Variants in CLNK observed in about 807,000 individuals in gnomAD.
CLNK encodes the protein cytokine dependent hematopoietic cell linker, also known as cytokine-dependent hematopoietic cell linker.
A neutral mutation model predicts 68.6 loss-of-function variants in CLNK; 74 were observed. That is an observed-to-expected ratio of 1.08 (90% CI 0.89 to 1.31). The LOEUF is 1.31. Among genes scored for constraint, CLNK ranks in the 50% most tolerant of loss-of-function variants. The pLI is 0.00. For synonymous variants in CLNK, 198 were observed against 172.2 expected, an observed-to-expected ratio of 1.15 and a Z score of -1.17; for missense variants, 553 against 515.3, an observed-to-expected ratio of 1.07 and a Z score of -0.71.
chr4:10,674,803 A>T (rs1051711740), intron 1 of CLNK, among the ~76,000 whole-genome samples: 5 of 152,296 alleles, frequency 3.3e-5, no homozygotes, highest in Middle Eastern at 3.4e-3. Context: ...TTGTAAAGAT[A>T]ACGGATTTGA....
rs372041491 is a variant in CLNK at position 10,680,986 on chromosome 4, G to GATAT, written c.-43+3678_-43+3681dup. Among the ~76,000 whole-genome samples the GATAT allele has an allele frequency of 4.1e-3, 618 of 149,852 alleles. 3 individuals are homozygous for GATAT. Among genetic ancestry groups the GATAT allele is most frequent in the African/African-American group, 0.012 (509 of 40,954 alleles). ...ACTTGCCCATGAGTGAGGACGTCCT[G>GATAT]ATATATATATATATATAAATTTCTA... On this transcript the variant is annotated intron_variant, in intron 1 of 18. Transcript: ENST00000226951.
At chr4:10,718,949 GACAACACCA>G in the CLNK span, among the ~76,000 whole-genome samples, 1 of 152,026 alleles carries the variant, frequency 6.6e-6, no homozygotes, top group African/African-American at 2.4e-5. Flanking sequence ...CTGGTAAAAT[GACAACACCA>G]GACTGTGTTG....
the CLNK span, among the ~76,000 whole-genome samples, chr4:10,731,109 A>C: frequency 6.6e-6 from 1 of 152,234 alleles, no homozygotes. Context: ...CTACTTTGAC[A>C]TATACCATAA....
At chr4:10,512,226 G>T (rs1220315015) in intron 16 of CLNK, among the ~76,000 whole-genome samples, 1 of 151,616 alleles carries the variant, frequency 6.6e-6, no homozygotes, top group Non-Finnish European at 1.5e-5. Context: ...ATAAAAGAAG[G>T]ATATGCATTT....
intron 5 of CLNK, among the ~76,000 whole-genome samples, chr4:10,566,518 A>G (rs1720121704): frequency 6.6e-6 from 1 of 152,232 alleles, no homozygotes; most frequent in Admixed American, 6.5e-5. Context: ...ACTTACTTGC[A>G]AATAAGATAA....
chr4:10,534,294 G>A (rs1359404263), intron 11 of CLNK, among the ~76,000 whole-genome samples: 2 of 152,168 alleles, frequency 1.3e-5, no homozygotes, highest in Non-Finnish European at 2.9e-5. Context: ...TACTCTTTGA[G>A]AGCTTTGAAC....
the CLNK span, among the ~76,000 whole-genome samples, chr4:10,720,388 C>A: frequency 6.6e-6 from 1 of 151,872 alleles, no homozygotes; most frequent in African/African-American, 2.4e-5. Flanking sequence ...AAAGACTTCT[C>A]AAAACCCGAT....
intron 8 of CLNK, among the ~76,000 whole-genome samples, chr4:10,547,908 T>C (rs1316655432): frequency 2.0e-5 from 3 of 152,200 alleles, no homozygotes; most frequent in Admixed American, 1.3e-4. Context: ...ACCCTTATGC[T>C]GTTTCCATAT....
chr4:10,540,388 C>T, intron 11 of CLNK, 106 bp downstream of exon 11: 1 of 776,664 alleles, frequency 1.3e-6, no homozygotes, highest in Admixed American at 2.0e-5. Flanking sequence ...ACTCCCCACC[C>T]ATTAGGGAGC....
chr4:10,711,817 A>C, the CLNK span, among the ~76,000 whole-genome samples: 4 of 152,172 alleles, frequency 2.6e-5, no homozygotes, highest in African/African-American at 7.2e-5. Flanking sequence ...CATTCTACTG[A>C]AGTATTTACA....
intron 18 of CLNK, among the ~76,000 whole-genome samples, chr4:10,499,578 T>C (rs962419398): frequency 2.0e-5 from 3 of 152,354 alleles, no homozygotes; most frequent in East Asian, 3.9e-4. Flanking sequence ...GCCCTAGCAA[T>C]GTGCCCTATT....
At chr4:10,604,363 T>C (rs1425849161) in intron 2 of CLNK, among the ~76,000 whole-genome samples, 1 of 152,198 alleles carries the variant, frequency 6.6e-6, no homozygotes, top group Non-Finnish European at 1.5e-5. Context: ...TTCCATTTGA[T>C]CCCTAAGCTG....
intron 7 of CLNK, among the ~76,000 whole-genome samples, chr4:10,563,692 A>T (rs992384607): frequency 6.6e-6 from 1 of 152,194 alleles, no homozygotes; most frequent in Non-Finnish European, 1.5e-5. Flanking sequence ...GTGGATCACG[A>T]GGTCAGGATT....
chr4:10,501,128 G>A (rs1348695222), intron 18 of CLNK, 128 bp downstream of exon 18: 6 of 900,576 alleles, frequency 6.7e-6, no homozygotes, highest in South Asian at 4.2e-5. Context: ...TGTGGAAGGG[G>A]TGGGGAGGTC....
At chr4:10,609,481 A>T (rs892872650) in intron 2 of CLNK, among the ~76,000 whole-genome samples, 13 of 152,192 alleles carry the variant, frequency 8.5e-5, no homozygotes, top group Non-Finnish European at 1.5e-4. Context: ...AGTGACTGCC[A>T]CCTGCACAGT....
chr4:10,693,672 A>C, the CLNK span, among the ~76,000 whole-genome samples: 1 of 152,222 alleles, frequency 6.6e-6, no homozygotes, highest in Non-Finnish European at 1.5e-5. Flanking sequence ...AGCAGCCCTA[A>C]GTGCCTGATA....
chr4:10,680,894 T>C (rs1452110790), intron 1 of CLNK, among the ~76,000 whole-genome samples: 4 of 152,120 alleles, frequency 2.6e-5, no homozygotes, highest in Non-Finnish European at 5.9e-5. Context: ...GAGTTTGGGA[T>C]GGGGACTGTG....
Position 10,591,543 on chromosome 4 carries a change from G to T in CLNK, c.83+6435C>A, listed in dbSNP as rs570658090. 7.9e-5 allele frequency among the ~76,000 whole-genome samples: 12 copies of T among 152,282 alleles called. No individual in the cohort carries two copies. In the South Asian group the frequency reaches 2.5e-3, roughly 32 times the overall value. Reference sequence around the variant, plus strand: ...ATGTGTGAGTGAATGAATGCCACAGGCACATGCAGAGGGAAATATACAAAA... The same window carrying T: ...ATGTGTGAGTGAATGAATGCCACAGTCACATGCAGAGGGAAATATACAAAA... On this transcript the variant is annotated intron_variant, in intron 3 of 18. Transcript: ENST00000226951.
chr4:10,495,824 TAG>T (rs35333663), intron 18 of CLNK, among the ~76,000 whole-genome samples: 45,526 of 149,624 alleles, frequency 0.3, 7,287 homozygotes, highest in East Asian at 0.47. Context: ...CACGTGACCA[TAG>T]AGAGAGAGAG....
Sources: gnomAD v4.1 joint callset for allele counts (sites outside exome capture counted in the v4.1 genomes callset) on GRCh38, gnomAD v4.1.1 for gene constraint, MANE v1.5 for transcripts, NCBI Gene and HGNC (gene_info 2026-07-23, HGNC 2026-07-21) for gene names.